The following TIGD7 variants were observed in gnomAD, a reference collection of about 807,000 sequenced individuals.
TIGD7 encodes tigger transposable element derived 7.
Under a neutral mutation model 24.8 loss-of-function variants are expected in TIGD7, and 26 were observed. That is an observed-to-expected ratio of 1.05 (90% CI 0.77 to 1.45). TIGD7 has a LOEUF of 1.45. TIGD7 is among the 40% of genes most tolerant of loss of function. The pLI is 0.00. For synonymous variants in TIGD7, 221 were observed against 224.1 expected (o/e 0.99, Z 0.12); for missense variants, 679 against 641.6 (o/e 1.06, Z -0.63).
In TIGD7 at chr16:3,300,252, A is replaced by G; in HGVS notation, c.363T>C (p.Ala121=). Residue 121 remains alanine, a synonymous_variant, in exon 2 of 2, where the codon GCT becomes GCC. Coordinates refer to ENST00000396862, the MANE Select transcript of TIGD7 (RefSeq NM_033208.4). ...ARCFGRTDFK[A]STGWLFRFRN... is the part of the protein sequence containing the mutation. The stretch of plus-strand genomic sequence containing the variant: ...GAAATCTAAAAAGCCAACCAGTGCT[A>G]GCTTTGAAATCTGTTCGCCCAAAAC... 6.2e-7 allele frequency: 1 copy of G among 1,614,256 alleles called. No individual in the cohort carries two copies. Among genetic ancestry groups the G allele is most frequent in the Non-Finnish European group, 8.5e-7 (1 of 1,180,046 alleles).
chr16:3,299,824 T>G lies in TIGD7; in HGVS notation c.791A>C (p.Glu264Ala). ...DVWFTRELFS[E>A]WFFQNFVPEV... ...AGGAACAAAGTTTTGAAAAAACCAT[T>G]CTGAAAACAATTCTCTGGTGAACCA... Residue 264 changes from glutamate to alanine, a missense_variant, in exon 2 of 2, where the codon GAA becomes GCA. Glu to Ala is a moderately radical substitution (Grantham distance 107). Transcript: ENST00000396862. The G allele has an allele frequency of 6.3e-7, 1 of 1,590,126 alleles. No individual in the cohort carries two copies.
chr16:3,300,431 G>C lies in TIGD7; in HGVS notation c.184C>G (p.Pro62Ala), dbSNP rs779136155. 1 of 1,613,800 alleles carries C rather than the reference G, an allele frequency of 6.2e-7. No individual in the cohort carries two copies. Among genetic ancestry groups the C allele is most frequent in the Non-Finnish European group, 8.5e-7 (1 of 1,180,010 alleles). ...TTTCTCTTCTCAGCCCCTACTAATGGCATGTCCTGCTTCAGTACAAAGTCC... is the reference window on the plus strand; with the variant it reads ...TTTCTCTTCTCAGCCCCTACTAATGCCATGTCCTGCTTCAGTACAAAGTCC... ...ILDFVLKQDMPLVGAEKRKRT... is the reference protein window; with the variant it reads ...ILDFVLKQDMALVGAEKRKRT... Residue 62 changes from proline (P) to alanine (A), a missense_variant, in exon 2 of 2, where the codon CCA (proline) becomes GCA (alanine). Transcript: ENST00000396862.
In TIGD7 at chr16:3,300,837, C is replaced by T. The variant is rs556606522; in HGVS notation, c.-223G>A. ...TCAGAAAGCTGCCAGTTGCAAAGTC[C>T]TGTCTGGCTCTTGCTCCTGCAAGCC... is the stretch of plus-strand genomic sequence containing the variant. On this transcript the variant is annotated 5_prime_UTR_variant, in exon 2 of 2. Transcript: ENST00000396862. 1.7e-6 allele frequency: 1 copy of T among 598,724 alleles called. No homozygotes were observed. The highest frequency in any genetic ancestry group is 3.4e-5 in the South Asian group (1 of 29,556). The allele number at this position is 598,724 out of a possible 1,614,324, so 37.1% of individuals were successfully genotyped here. A position where few individuals can be genotyped will look rare whatever the true frequency, so the allele number is the denominator to read the frequency against.
chr16:3,299,471 TA>T lies in TIGD7; in HGVS notation c.1143del (p.Phe381LeufsTer10). 1 of 1,554,422 alleles carries T rather than the reference TA, an allele frequency of 6.4e-7. No individual in the cohort carries two copies. Reference sequence around the variant, plus strand: ...ACTTCTTCCCAACTTTTTGCCCAGTTAAAAATTGCACTTTTTATATTGTAGA... The same window carrying T: ...ACTTCTTCCCAACTTTTTGCCCAGTTAAAATTGCACTTTTTATATTGTAGA... ...IKIYNIKSAIFNWAKSWEEVK... is the reference protein window; with the variant it reads ...IKIYNIKSAIXNWAKSWEEVK... On this transcript the variant is annotated frameshift_variant, in exon 2 of 2. Coordinates refer to ENST00000396862, the MANE Select transcript of TIGD7 (RefSeq NM_033208.4). LOFTEE classifies it low-confidence loss of function (END_TRUNC).
chr16:3,303,277 T>C (rs1202894078), intron 1 of TIGD7, among the ~76,000 whole-genome samples: 4 of 152,232 alleles, frequency 2.6e-5, no homozygotes, highest in African/African-American at 4.8e-5. Flanking sequence ...GTGCCTCTTA[T>C]TCACTATTCA....
Position 3,299,633 on chromosome 16 carries a change from G to T in TIGD7, c.982C>A (p.Gln328Lys). 1 of 1,564,500 alleles carries T rather than the reference G, an allele frequency of 6.4e-7. No homozygotes were observed. The highest frequency in any genetic ancestry group is 8.6e-7 in the Non-Finnish European group (1 of 1,161,734). Reference protein sequence around the residue: ...FFPHNTSTLIQPMNQGVILSC... With the variant: ...FFPHNTSTLIKPMNQGVILSC... ...AAGATCACACCTTGATTCATTGGTT[G>T]AATCAAGGTTGAAGTGTTATGGGGG... Residue 328 changes from glutamine (Q) to lysine (K), a missense_variant, in exon 2 of 2, where the codon CAA becomes AAA. Coordinates refer to ENST00000396862, the MANE Select transcript of TIGD7 (RefSeq NM_033208.4).
Position 3,300,750 on chromosome 16 carries a change from T to A in TIGD7, c.-136A>T, listed in dbSNP as rs551176586. On this transcript the variant is annotated 5_prime_UTR_variant, in exon 2 of 2. Transcript: ENST00000396862. ...AAGGCATGGGCATTGTATTGGAGGA[T>A]AATGGACTGAAGGGGCTAACCATGA... The A allele has an allele frequency of 4.1e-5, 58 of 1,408,426 alleles. No homozygotes were observed. Among genetic ancestry groups the A allele is most frequent in the Non-Finnish European group, 5.2e-5 (55 of 1,065,630 alleles). The allele number at this position is 1,408,426 out of a possible 1,614,324, so 87.2% of individuals were successfully genotyped here.
At chr16:3,304,405 T>G (rs536989957) in intron 1 of TIGD7, among the ~76,000 whole-genome samples, 61 of 152,278 alleles carry the variant, frequency 4.0e-4, no homozygotes, top group African/African-American at 1.5e-3. Context: ...CAAATCAACT[T>G]GGATTTTCTT....
chr16:3,304,444 C>T (rs754955933), intron 1 of TIGD7, among the ~76,000 whole-genome samples: 2 of 152,180 alleles, frequency 1.3e-5, no homozygotes, highest in Non-Finnish European at 2.9e-5. Flanking sequence ...AGTTTATGTC[C>T]TATTCTTACC....
chr16:3,299,678 G>A lies in TIGD7; in HGVS notation c.937C>T (p.Arg313Ter), dbSNP rs577260411. ...SSESLTSEDG[R>*]IKCMFFPHNT... Reference sequence around the variant, plus strand: ...TGGGGGAAGAACATACATTTTATTCGACCATCCTCACTGGTTAGGGATTCA... The same window carrying A: ...TGGGGGAAGAACATACATTTTATTCAACCATCCTCACTGGTTAGGGATTCA... Residue 313 changes from arginine to a stop codon, truncating the protein, a stop_gained, in exon 2 of 2, where the codon CGA (arginine) becomes TGA (stop). Transcript: ENST00000396862. LOFTEE classifies it low-confidence loss of function (END_TRUNC). 4 of 1,544,304 alleles carry A rather than the reference G, an allele frequency of 2.6e-6. No individual in the cohort carries two copies. Among genetic ancestry groups the A allele is most frequent in the East Asian group, 2.3e-5 (1 of 44,362 alleles).
At position 3,299,433 on chromosome 16, in the gene TIGD7, G is replaced by A. The variant is rs1441150355; in HGVS notation, c.1182C>T (p.Thr394=). The A allele has an allele frequency of 3.0e-5, 47 of 1,558,538 alleles. No individual in the cohort carries two copies. The highest frequency in any genetic ancestry group is 3.7e-5 in the Non-Finnish European group (43 of 1,154,380). ...GAAGATTTTCCCATGCATTTGCTAT[G>A]GTTATTTGTTTTACTTCTTCCCAAC... The part of the protein sequence containing the change: ...AKSWEEVKQI[T]IANAWENLLY... Residue 394 remains threonine (T), a synonymous_variant, in exon 2 of 2, where the codon ACC becomes ACT. Transcript: ENST00000396862.
rs1279816827 is a variant in TIGD7 at position 3,301,647 on chromosome 16, ATC to A, written c.-1035_-1034del. On this transcript the variant is annotated 5_prime_UTR_variant, in exon 2 of 2. The change creates a premature stop within an existing upstream ORF in the 5' untranslated region. Transcript: ENST00000396862. ...TCACCATAGTTAAAAATTTTTAAAG[ATC>A]TGTCCTTTCATTTGTTTTCCTAAAT... The A allele has an allele frequency of 1.2e-5, 2 of 166,240 alleles. No individual in the cohort carries two copies. The highest frequency in any genetic ancestry group is 2.9e-5 in the Non-Finnish European group (2 of 68,126). The allele number at this position is 166,240 out of a possible 1,614,324, so 10.3% of individuals were successfully genotyped here. A position where few individuals can be genotyped will look rare whatever the true frequency, so the allele number is the denominator to read the frequency against.
chr16:3,298,935 T>C lies in TIGD7; in HGVS notation c.*30A>G, dbSNP rs757804723. ...GACAATTCACAGCTGGCCTACATCA[T>C]ATAATGGCAGAAATCTTTAAACACA... On this transcript the variant is annotated 3_prime_UTR_variant, in exon 2 of 2. Transcript: ENST00000396862. 7 of 999,842 alleles carry C rather than the reference T, an allele frequency of 7.0e-6. No individual in the cohort carries two copies. The highest frequency in any genetic ancestry group is 8.2e-6 in the Non-Finnish European group (6 of 735,618). The allele number at this position is 999,842 out of a possible 1,614,324, so 61.9% of individuals were successfully genotyped here.
chr16:3,301,919 G>C lies in TIGD7; in HGVS notation c.-1305C>G, dbSNP rs148360198. Reference sequence around the variant, plus strand: ...AAAGCCATTCCAGGTCCTTAGAAATGTCTTAGTCTAGATTAATTTCCTGGT... The same window carrying C: ...AAAGCCATTCCAGGTCCTTAGAAATCTCTTAGTCTAGATTAATTTCCTGGT... On this transcript the variant is annotated 5_prime_UTR_variant, in exon 2 of 2. Coordinates refer to ENST00000396862, the MANE Select transcript of TIGD7 (RefSeq NM_033208.4). The C allele has an allele frequency of 6.0e-6, 1 of 167,154 alleles. No individual in the cohort carries two copies. Among genetic ancestry groups the C allele is most frequent in the East Asian group, 1.9e-4 (1 of 5,186 alleles). The allele number at this position is 167,154 out of a possible 1,614,324, so 10.4% of individuals were successfully genotyped here.
chr16:3,299,205 C>T lies in TIGD7; in HGVS notation c.1410G>A (p.Lys470=), dbSNP rs140133276. The change falls in exon 2 of 2, where the codon AAG becomes AAA. Residue 470 remains lysine (K), a synonymous_variant. Transcript: ENST00000396862. Reference sequence around the variant, plus strand: ...CAGATAATTTAAATTCAGCAGTCTGCTTCTCAGCTTCTCCTCCTTTTTGAA... The same window carrying T: ...CAGATAATTTAAATTCAGCAGTCTGTTTCTCAGCTTCTCCTCCTTTTTGAA... ...EVVQKGGEAE[K]QTAEFKLSAV... 4.2e-5 allele frequency: 67 copies of T among 1,603,032 alleles called. No individual in the cohort carries two copies. The highest frequency in any genetic ancestry group is 5.5e-5 in the Non-Finnish European group (65 of 1,176,508).
At position 3,300,653 on chromosome 16, in the gene TIGD7, A is replaced by G; in HGVS notation, c.-39T>C. ...CTGAACCACCAACAGGAGAAAACAA[A>G]GGGAAAAGCCTTAATGAATTGGCAA... On this transcript the variant is annotated 5_prime_UTR_variant, in exon 2 of 2. Coordinates refer to ENST00000396862, the MANE Select transcript of TIGD7 (RefSeq NM_033208.4). The G allele has an allele frequency of 6.6e-7, 1 of 1,525,508 alleles. No homozygotes were observed. Among genetic ancestry groups the G allele is most frequent in the South Asian group, 1.3e-5 (1 of 74,222 alleles). 94.5% of individuals were successfully genotyped at this position (1,525,508 alleles called of 1,614,324 possible). A position where few individuals can be genotyped will look rare whatever the true frequency, so the allele number is the denominator to read the frequency against.
chr16:3,300,064 C>T lies in TIGD7; in HGVS notation c.551G>A (p.Trp184Ter). The T allele has an allele frequency of 6.2e-7, 1 of 1,614,162 alleles. No individual in the cohort carries two copies. The highest frequency in any genetic ancestry group is 8.5e-7 in the Non-Finnish European group (1 of 1,180,024). ...CTGAGAATTTTCTGGCATTGACTTC[C>T]AAAAGAGGTCTGTTTCATCCCCACT... is the stretch of plus-strand genomic sequence containing the variant. ...LYSGDETDLFWKSMPENSQAS... is the reference protein window; with the variant it reads ...LYSGDETDLF Residue 184 changes from tryptophan to a stop codon, truncating the protein, a stop_gained, in exon 2 of 2, where the codon TGG becomes TAG. Coordinates refer to ENST00000396862, the MANE Select transcript of TIGD7 (RefSeq NM_033208.4). LOFTEE classifies it high-confidence loss of function.
At chr16:3,304,148 C>T (rs546725307) in intron 1 of TIGD7, among the ~76,000 whole-genome samples, 1 of 152,280 alleles carries the variant, frequency 6.6e-6, no homozygotes, top group East Asian at 1.9e-4. Context: ...GATTTACTTT[C>T]TTAAATGCAC....
chr16:3,302,430 G>C (rs576859911), intron 1 of TIGD7, among the ~76,000 whole-genome samples: 55 of 152,198 alleles, frequency 3.6e-4, no homozygotes, highest in African/African-American at 1.3e-3. Context: ...CTGGCCCATA[G>C]AATTCTCTTA....
Sources: gnomAD v4.1 joint callset for allele counts (sites outside exome capture counted in the v4.1 genomes callset) on GRCh38, gnomAD v4.1.1 for gene constraint, MANE v1.5 for transcripts, NCBI Gene and HGNC (gene_info 2026-07-23, HGNC 2026-07-21) for gene names.